Variants in KIF13B observed in about 807,000 individuals in gnomAD.
KIF13B encodes the protein kinesin-like protein KIF13B.
A neutral mutation model predicts 222.0 loss-of-function variants in KIF13B; 127 were observed. The observed-to-expected ratio is 0.57, with a 90% CI of 0.50 to 0.66. The LOEUF (loss-of-function observed/expected upper bound fraction) is 0.66. Among genes scored for constraint, KIF13B ranks in the 30% least tolerant of loss-of-function variants. The pLI, the probability that KIF13B is intolerant of heterozygous loss-of-function variation, is 0.00. For synonymous variants in KIF13B, 976 were observed against 919.0 expected (o/e 1.06, Z -1.12); for missense variants, 2,173 against 2,379.0 (o/e 0.91, Z 1.80).
chr8:29,239,647 CTT>C (rs1815672093), intron 2 of KIF13B, among the ~76,000 whole-genome samples: 1 of 152,088 alleles, frequency 6.6e-6, no homozygotes, highest in South Asian at 2.1e-4. Context: ...ACAATATACC[CTT>C]GTTTTTTTTG....
Position 29,071,934 on chromosome 8 carries a change from G to C in KIF13B, c.4904C>G (p.Pro1635Arg). The C allele has an allele frequency of 1.4e-6, 2 of 1,407,580 alleles. No homozygotes were observed. The highest frequency in any genetic ancestry group is 1.8e-6 in the Non-Finnish European group (2 of 1,091,288). 87.2% of individuals were successfully genotyped at this position (1,407,580 alleles called of 1,614,324 possible). A position where few individuals can be genotyped will look rare whatever the true frequency, so the allele number is the denominator to read the frequency against. Residue 1635 changes from proline to arginine, a missense_variant, in exon 39 of 40, where the codon CCC becomes CGC. By Grantham distance (103) the Pro-to-Arg change is moderately radical (BLOSUM62 -2). Coordinates refer to ENST00000524189, the MANE Select transcript of KIF13B (RefSeq NM_015254.4). The surrounding 1 kb of genome is among the most constrained non-coding windows in gnomAD (Gnocchi z 4.9). The part of the protein sequence containing the change: ...QQLVSPGRER[P>R]DLEAPAPGSP... ...GCCGGGCGCCGGGGCCTCGAGGTCG[G>C]GGCGCTCCCGACCGGGGCTCACGAG...
At chr8:29,076,633 G>A (rs1259198370) in intron 37 of KIF13B, among the ~76,000 whole-genome samples, 1 of 152,218 alleles carries the variant, frequency 6.6e-6, no homozygotes, top group Non-Finnish European at 1.5e-5. Flanking sequence ...ATGTTTACAA[G>A]CATGGAATAG....
intron 37 of KIF13B, 75 bp from the exon 38 acceptor site, chr8:29,075,418 C>T: frequency 7.3e-7 from 1 of 1,376,026 alleles, no homozygotes; most frequent in South Asian, 1.4e-5. Flanking sequence ...GCTGCACAGG[C>T]TGGAGGGCCA....
chr8:29,257,208 T>C (rs1368441849), intron 1 of KIF13B, among the ~76,000 whole-genome samples: 3 of 152,242 alleles, frequency 2.0e-5, no homozygotes. Flanking sequence ...GATACCATTT[T>C]CTAAAGATAT....
intron 2 of KIF13B, among the ~76,000 whole-genome samples, chr8:29,202,387 G>A (rs1260158821): frequency 6.6e-6 from 1 of 152,160 alleles, no homozygotes. Flanking sequence ...GCAAGATCTT[G>A]GCTCACTGTA....
intron 13 of KIF13B, among the ~76,000 whole-genome samples, chr8:29,159,302 C>A (rs928577015): frequency 3.3e-5 from 5 of 152,076 alleles, no homozygotes; most frequent in Admixed American, 3.3e-4. Flanking sequence ...AGGCATGTAC[C>A]ACCACCCCGG....
chr8:29,089,014 C>T (rs868000411), intron 37 of KIF13B, among the ~76,000 whole-genome samples: 2 of 152,210 alleles, frequency 1.3e-5, no homozygotes, highest in African/African-American at 4.8e-5. Flanking sequence ...TTAGCACTTC[C>T]ACCAACCTAG....
At chr8:29,081,070 G>C (rs572517852) in intron 37 of KIF13B, among the ~76,000 whole-genome samples, 1 of 152,236 alleles carries the variant, frequency 6.6e-6, no homozygotes, top group Non-Finnish European at 1.5e-5. Context: ...GGCAGGTCCT[G>C]CATGGTGTAT....
intron 2 of KIF13B, among the ~76,000 whole-genome samples, chr8:29,197,359 A>AAAAAAAT (rs750396323): frequency 1.3e-5 from 2 of 148,288 alleles, no homozygotes; most frequent in African/African-American, 5.0e-5. Flanking sequence ...AAAAAAAAAA[A>AAAAAAAT]AACTCAATAT....
chr8:29,238,825 C>T (rs1024152958), intron 2 of KIF13B, among the ~76,000 whole-genome samples: 5 of 152,154 alleles, frequency 3.3e-5, no homozygotes, highest in Non-Finnish European at 7.3e-5. Context: ...TGCTTTCAAC[C>T]TCCAAACGTT....
intron 36 of KIF13B, among the ~76,000 whole-genome samples, chr8:29,094,454 G>A (rs757219810): frequency 1.3e-5 from 2 of 152,114 alleles, no homozygotes; most frequent in East Asian, 1.9e-4. Flanking sequence ...AATTTAACAC[G>A]TATGGTAAGC....
At chr8:29,137,408 C>G (rs2129897436) in intron 21 of KIF13B, among the ~76,000 whole-genome samples, 1 of 152,344 alleles carries the variant, frequency 6.6e-6, no homozygotes, top group South Asian at 2.1e-4. Context: ...CTTCAACTTG[C>G]AGCTGTTCAA....
intron 12 of KIF13B, among the ~76,000 whole-genome samples, chr8:29,164,386 G>T (rs1293942604): frequency 6.6e-6 from 1 of 152,212 alleles, no homozygotes; most frequent in East Asian, 1.9e-4. Context: ...AGAGGAAGAG[G>T]CAGAGAGATG....
At chr8:29,171,308 G>A (rs1002205184) in intron 10 of KIF13B, among the ~76,000 whole-genome samples, 37 of 152,228 alleles carry the variant, frequency 2.4e-4, no homozygotes, top group African/African-American at 7.5e-4. Flanking sequence ...ATCCTCCCTG[G>A]GAGAAGAGCA....
chr8:29,176,153 A>C lies in KIF13B; in HGVS notation c.860T>G (p.Ile287Ser), dbSNP rs1044841485. Residue 287 changes from isoleucine to serine, a missense_variant, in exon 10 of 40, where the codon ATC becomes AGC. Physicochemically the swap from Ile to Ser is moderately radical, Grantham distance 142. Transcript: ENST00000524189. ...AGCACTCTGATCTGCAAGAGCTGAG[A>C]TAACCAGACCGAGGGTTGTGAGGGA... Reference protein sequence around the residue: ...NKSLTTLGLVISALADQSAGK... With the variant: ...NKSLTTLGLVSSALADQSAGK... 1.2e-6 allele frequency: 2 copies of C among 1,613,520 alleles called. No individual in the cohort carries two copies. Among genetic ancestry groups the C allele is most frequent in the Admixed American group, 1.7e-5 (1 of 60,002 alleles).
intron 14 of KIF13B, among the ~76,000 whole-genome samples, chr8:29,153,340 G>A (rs1055191976): frequency 6.6e-6 from 1 of 152,156 alleles, no homozygotes; most frequent in African/African-American, 2.4e-5. Context: ...AATGAGAAAT[G>A]AGACCTATAT....
rs73556696 is a variant in KIF13B, at chr8:29,128,609, G to A, written c.3076-1341C>T. Among the ~76,000 whole-genome samples, 892 of 152,246 alleles carry A rather than the reference G, an allele frequency of 5.9e-3. 7 individuals carry two copies. Among genetic ancestry groups the A allele is most frequent in the African/African-American group, 0.021 (859 of 41,542 alleles). ...TGCTTAGTTTGCCTAAGCACTTTCC[G>A]AAGTGATCTATTGTGAATCTGTGCC... On this transcript the variant is annotated intron_variant, in intron 24 of 39. Coordinates refer to ENST00000524189, the MANE Select transcript of KIF13B (RefSeq NM_015254.4).
chr8:29,212,609 A>G (rs1033763221), intron 2 of KIF13B, among the ~76,000 whole-genome samples: 3 of 152,074 alleles, frequency 2.0e-5, no homozygotes, highest in African/African-American at 7.2e-5. Context: ...TTTCTGTTCC[A>G]TATCTATTCA....
intron 5 of KIF13B, among the ~76,000 whole-genome samples, chr8:29,187,387 C>T (rs534057110): frequency 6.6e-6 from 1 of 152,208 alleles, no homozygotes; most frequent in East Asian, 1.9e-4. Flanking sequence ...AAAAATTAAC[C>T]AGGCACGGTG....
Sources: gnomAD v4.1 joint callset for allele counts (sites outside exome capture counted in the v4.1 genomes callset) on GRCh38, gnomAD v4.1.1 for gene constraint, Gnocchi (gnomAD v3.1) non-coding constraint, MANE v1.5 for transcripts, NCBI Gene and HGNC (gene_info 2026-07-23, HGNC 2026-07-21) for gene names.